C6: variants seen among roughly 807,000 people sequenced by gnomAD.
C6 encodes complement component C6.
A neutral mutation model predicts 112.9 loss-of-function variants in C6; 101 were observed. The observed-to-expected ratio is 0.89, with a 90% confidence interval of 0.76 to 1.06. The LOEUF (loss-of-function observed/expected upper bound fraction) is 1.06, where lower values mean the gene tolerates loss of function less well. C6 is among the 50% of genes least tolerant of loss of function. C6 has a pLI of 0.00. For synonymous variants in C6, 431 were observed against 384.1 expected (o/e 1.12, Z -1.43); for missense variants, 1,202 against 1,104.6 (o/e 1.09, Z -1.25).
At position 41,199,748 on chromosome 5, in the gene C6, A is replaced by G. The variant is rs750273672; in HGVS notation, c.445+20T>C. The G allele has an allele frequency of 3.7e-6, 6 of 1,612,712 alleles. No homozygotes were observed. In the South Asian group the frequency reaches 4.4e-5, roughly 12 times the overall value. On this transcript the variant is annotated intron_variant, in intron 4 of 17. Coordinates refer to ENST00000337836, the MANE Select transcript of C6 (RefSeq NM_000065.5). The stretch of plus-strand genomic sequence containing the variant: ...AAGCTATTTTTAGTGGGGACTGAAC[A>G]TTTCACAAAAATACATTACCACTGT...
intron 1 of C6, among the ~76,000 whole-genome samples, chr5:41,250,271 C>A (rs998433263): frequency 6.6e-6 from 1 of 152,176 alleles, no homozygotes; most frequent in Non-Finnish European, 1.5e-5. Context: ...CCAAACTCTG[C>A]GGAATTTGCA....
At chr5:41,159,038 A>G (rs189632281) in intron 12 of C6, 44 bp downstream of exon 12, 110 of 1,600,552 alleles carry the variant, frequency 6.9e-5, no homozygotes, top group Non-Finnish European at 6.0e-6. Flanking sequence ...TGTTATTGAG[A>G]GTTAGGGCAA....
At chr5:41,220,550 A>C (rs778470231) in intron 1 of C6, among the ~76,000 whole-genome samples, 1 of 151,996 alleles carries the variant, frequency 6.6e-6, no homozygotes, top group Non-Finnish European at 1.5e-5. Context: ...ATTTTTTATT[A>C]ATTATTTTAA....
chr5:41,146,009 G>C (rs775198474), intron 17 of C6, among the ~76,000 whole-genome samples: 4 of 152,168 alleles, frequency 2.6e-5, no homozygotes. Context: ...CAGACCAGAA[G>C]ATATTTCTCT....
chr5:41,152,273 G>A (rs186199657), intron 15 of C6, among the ~76,000 whole-genome samples: 13 of 152,160 alleles, frequency 8.5e-5, no homozygotes, highest in Admixed American at 8.5e-4. Flanking sequence ...ATGTCGGTGA[G>A]GGAGGGGGAT....
chr5:41,186,271 G>A (rs1262465869), intron 5 of C6, 63 bp from the exon 6 acceptor site: 1 of 1,571,880 alleles, frequency 6.4e-7, no homozygotes, highest in Non-Finnish European at 8.7e-7. Flanking sequence ...ATTTACCTTA[G>A]TTATATGAAA....
At chr5:41,150,667 T>A (rs1456641777) in intron 15 of C6, among the ~76,000 whole-genome samples, 2 of 151,966 alleles carry the variant, frequency 1.3e-5, no homozygotes, top group Non-Finnish European at 2.9e-5. Flanking sequence ...GGCAGGCAGA[T>A]CACAAGGTCA....
intron 7 of C6, among the ~76,000 whole-genome samples, chr5:41,179,098 C>A (rs1252483016): frequency 6.6e-6 from 1 of 152,106 alleles, no homozygotes; most frequent in Non-Finnish European, 1.5e-5. Context: ...AGGCAATCTG[C>A]CCACCTTGGC....
At chr5:41,159,365 A>G in intron 11 of C6, 112 bp from the exon 12 acceptor site, 1 of 1,492,396 alleles carries the variant, frequency 6.7e-7, no homozygotes, top group Non-Finnish European at 9.0e-7. Context: ...CCTTTGTGGG[A>G]TATGATAGGG....
chr5:41,204,659 C>CTTTTTTTTTTTTTT (rs56809256), intron 1 of C6, among the ~76,000 whole-genome samples: 2 of 133,330 alleles, frequency 1.5e-5, no homozygotes, highest in African/African-American at 2.9e-5. Context: ...AATCAGTAAG[C>CTTTTTTTTTTTTTT]TTTTTTTTTT....
At chr5:41,177,073 T>C (rs1318840427) in intron 7 of C6, among the ~76,000 whole-genome samples, 1 of 152,214 alleles carries the variant, frequency 6.6e-6, no homozygotes, top group Non-Finnish European at 1.5e-5. Flanking sequence ...ATGTGAATAA[T>C]TGAAAAAGAA....
intron 9 of C6, among the ~76,000 whole-genome samples, chr5:41,166,182 A>G (rs1747959034): frequency 6.6e-6 from 1 of 152,156 alleles, no homozygotes; most frequent in Admixed American, 6.6e-5. Context: ...AGCACCTATT[A>G]ACATTCTGTA....
intron 5 of C6, 115 bp downstream of exon 5, chr5:41,195,677 G>A (rs1750554994): frequency 1.9e-6 from 2 of 1,081,074 alleles, no homozygotes; most frequent in Non-Finnish European, 2.8e-6. Context: ...GATAGGGCTG[G>A]TAGGAGTAGT....
At position 41,158,775 on chromosome 5, in the gene C6, A is replaced by G; in HGVS notation, c.1867T>C (p.Cys623Arg). ...TTCATTTCTTCGTCATCATTGATAC[A>G]TGGTTGTCCACTAAAAGGGAAACAT... ...FSIMENNGQPCINDDEEMKEV... is the reference protein window; with the variant it reads ...FSIMENNGQPRINDDEEMKEV... The change falls in exon 13 of 18, where the codon TGT (cysteine) becomes CGT (arginine). Residue 623 changes from cysteine (C) to arginine (R), a missense_variant. By Grantham distance (180) the Cys-to-Arg change is radical (BLOSUM62 -3). Coordinates refer to ENST00000337836, the MANE Select transcript of C6 (RefSeq NM_000065.5). 3 of 1,567,884 alleles carry G rather than the reference A, an allele frequency of 1.9e-6. No individual in the cohort carries two copies. Among genetic ancestry groups the G allele is most frequent in the Non-Finnish European group, 2.6e-6 (3 of 1,138,190 alleles).
At chr5:41,185,954 T>TAAA in intron 6 of C6, 116 bp downstream of exon 6, 1 of 1,266,720 alleles carries the variant, frequency 7.9e-7, no homozygotes, top group Non-Finnish European at 1.1e-6. Flanking sequence ...AACACGTGAT[T>TAAA]AAAATGGTTC....
chr5:41,242,427 CTG>C (rs560907839), intron 1 of C6, among the ~76,000 whole-genome samples: 297 of 152,304 alleles, frequency 2.0e-3, no homozygotes, highest in East Asian at 0.012. Flanking sequence ...CAATGTGGAA[CTG>C]TGAGTCAATT....
chr5:41,184,640 T>C (rs1039089132), intron 6 of C6, among the ~76,000 whole-genome samples: 1 of 151,776 alleles, frequency 6.6e-6, no homozygotes, highest in African/African-American at 2.4e-5. Context: ...CCCAGCTAAG[T>C]TTTGTATTTT....
chr5:41,227,914 C>G (rs1213775864), intron 1 of C6, among the ~76,000 whole-genome samples: 1 of 152,098 alleles, frequency 6.6e-6, no homozygotes, highest in Non-Finnish European at 1.5e-5. Context: ...ATGCCTCCAG[C>G]TTTGCTCTTT....
At chr5:41,231,691 G>A (rs1451663713) in intron 1 of C6, among the ~76,000 whole-genome samples, 6 of 151,786 alleles carry the variant, frequency 4.0e-5, no homozygotes, top group African/African-American at 1.5e-4. Flanking sequence ...GTACTAATTA[G>A]ACTTATTTTA....
Sources: allele counts gnomAD v4.1 joint callset (sites outside exome capture counted in the v4.1 genomes callset), GRCh38; gene constraint gnomAD v4.1.1; transcripts MANE v1.5; gene names NCBI Gene and HGNC (gene_info 2026-07-23, HGNC 2026-07-21).